GRIN3A: variants seen among roughly 807,000 people sequenced by gnomAD.
GRIN3A encodes the protein glutamate ionotropic receptor NMDA type subunit 3A, also known as glutamate receptor ionotropic, NMDA 3A.
In GRIN3A, 47 loss-of-function variants were observed where a neutral mutation model predicts 92.4. That is an observed-to-expected ratio of 0.51 (90% confidence interval 0.40 to 0.65). The LOEUF is 0.65. GRIN3A is among the 30% of genes least tolerant of loss of function. The probability of loss-of-function intolerance (pLI) is 0.00; values close to 1 mark genes in which losing one functional copy is unlikely to be tolerated. For synonymous variants in GRIN3A, 527 were observed against 540.6 expected (o/e 0.97, Z 0.35); for missense variants, 1,324 against 1,393.1 (o/e 0.95, Z 0.79).
intron 3 of GRIN3A, among the ~76,000 whole-genome samples, chr9:101,657,836 G>GT (rs1829110155): frequency 6.6e-6 from 1 of 151,968 alleles, no homozygotes; most frequent in Admixed American, 6.6e-5. Context: ...AAAGGGAGTA[G>GT]TGATGGTAAT....
intron 3 of GRIN3A, among the ~76,000 whole-genome samples, chr9:101,643,141 T>G (rs1487721720): frequency 6.6e-6 from 1 of 152,082 alleles, no homozygotes; most frequent in Non-Finnish European, 1.5e-5. Flanking sequence ...CACTGATATA[T>G]GTGATAGGGG....
At chr9:101,710,406 C>A (rs1464138228) in intron 1 of GRIN3A, among the ~76,000 whole-genome samples, 1 of 152,154 alleles carries the variant, frequency 6.6e-6, no homozygotes, top group Non-Finnish European at 1.5e-5. Context: ...TACTGGTAAT[C>A]TTTTGCAGAC....
chr9:101,664,642 T>C (rs996667121), intron 3 of GRIN3A, among the ~76,000 whole-genome samples: 1 of 151,946 alleles, frequency 6.6e-6, no homozygotes, highest in African/African-American at 2.4e-5. Context: ...TTCAACCTCC[T>C]GTGGCTGCTG....
chr9:101,719,623 T>C (rs1398093288), intron 1 of GRIN3A, among the ~76,000 whole-genome samples: 1 of 152,142 alleles, frequency 6.6e-6, no homozygotes, highest in Non-Finnish European at 1.5e-5. Context: ...ATGGTTCCCC[T>C]GGCTTGAGCT....
chr9:101,695,148 T>A (rs1829669419), intron 1 of GRIN3A, among the ~76,000 whole-genome samples: 1 of 152,158 alleles, frequency 6.6e-6, no homozygotes, highest in Admixed American at 6.5e-5. Context: ...AAAGTGTTAG[T>A]TTATAATGAT....
At chr9:101,648,643 G>A (rs1018729336) in intron 3 of GRIN3A, among the ~76,000 whole-genome samples, 1 of 152,012 alleles carries the variant, frequency 6.6e-6, no homozygotes, top group Admixed American at 6.6e-5. Flanking sequence ...GTACTCCAGT[G>A]TTGAATACAT....
At chr9:101,730,988 A>C (rs1830131167) in intron 1 of GRIN3A, among the ~76,000 whole-genome samples, 1 of 152,128 alleles carries the variant, frequency 6.6e-6, no homozygotes, top group Non-Finnish European at 1.5e-5. Context: ...TTACAGGAAC[A>C]AGGTCACACT....
chr9:101,701,506 CA>C (rs1829752550), intron 1 of GRIN3A, among the ~76,000 whole-genome samples: 1 of 152,044 alleles, frequency 6.6e-6, no homozygotes, highest in African/African-American at 2.4e-5. Context: ...TACCTTTCAC[CA>C]TATACAAAAA....
intron 3 of GRIN3A, among the ~76,000 whole-genome samples, chr9:101,633,786 C>T (rs931185406): frequency 6.7e-6 from 1 of 148,208 alleles, no homozygotes; most frequent in Non-Finnish European, 1.5e-5. Flanking sequence ...AAATCGGTCC[C>T]TGGTGCCAAA....
chr9:101,699,861 C>T (rs766751960), intron 1 of GRIN3A, among the ~76,000 whole-genome samples: 1 of 152,190 alleles, frequency 6.6e-6, no homozygotes, highest in Non-Finnish European at 1.5e-5. Context: ...CCAAATGCTC[C>T]AAGTTCTCTT....
At position 101,634,736 on chromosome 9, in the gene GRIN3A, C is replaced by T. The variant is rs1411801600; in HGVS notation, c.2353-6335G>A. On this transcript the variant is annotated intron_variant, in intron 3 of 8. Coordinates refer to ENST00000361820, the MANE Select transcript of GRIN3A (RefSeq NM_133445.3). ...ATATACCTATCCAACTAATAAATAC[C>T]AATTAATATATACCTATTTGTGCTG... Among the ~76,000 whole-genome samples the T allele has an allele frequency of 2.6e-5, 4 of 152,026 alleles. No individual in the cohort carries two copies. The East Asian group carries it at 7.7e-4, about 29-fold the overall frequency.
chr9:101,735,885 A>G lies in GRIN3A; in HGVS notation c.699+1396T>C, dbSNP rs533248340. Among the ~76,000 whole-genome samples the G allele has an allele frequency of 6.4e-4, 94 of 147,828 alleles. 3 individuals carry two copies. The highest frequency in any genetic ancestry group is 1.1e-3 in the Admixed American group (16 of 15,066). On this transcript the variant is annotated intron_variant, in intron 1 of 8. Transcript: ENST00000361820. ...AAGTTAATTAGCCTGCACTCTACAGATCAAATCTCTGTAGTTCGGCTAGGA... is the reference window on the plus strand; with the variant it reads ...AAGTTAATTAGCCTGCACTCTACAGGTCAAATCTCTGTAGTTCGGCTAGGA...
rs1253727161 is a variant in GRIN3A at position 101,683,844 on chromosome 9, CAGTGAGAG to C, written c.1304+2744_1304+2751del. ...CACCATAAGGAGAGAGAGAGAGAGA[CAGTGAGAG>C]AGAGAGAGAGAGAGAGAGAGAGAGA... On this transcript the variant is annotated intron_variant, in intron 2 of 8. Coordinates refer to ENST00000361820, the MANE Select transcript of GRIN3A (RefSeq NM_133445.3). 1.6e-3 allele frequency among the ~76,000 whole-genome samples: 124 copies of C among 79,138 alleles called. 1 individual carries two copies. Among genetic ancestry groups the C allele is most frequent in the East Asian group, 9.0e-3 (28 of 3,120 alleles). 51.9% of individuals were successfully genotyped at this position (79,138 alleles called of 152,430 possible).
intron 3 of GRIN3A, among the ~76,000 whole-genome samples, chr9:101,641,745 C>T (rs1828866832): frequency 6.7e-6 from 1 of 150,088 alleles, no homozygotes; most frequent in South Asian, 2.1e-4. Flanking sequence ...CAAACCTGCA[C>T]ATTGTGCACA....
chr9:101,617,219 A>AAG (rs1554717854), intron 5 of GRIN3A, among the ~76,000 whole-genome samples: 1 of 151,218 alleles, frequency 6.6e-6, no homozygotes, highest in Non-Finnish European at 1.5e-5. Flanking sequence ...AAAAAAAAAA[A>AAG]AAAAAAAGAA....
chr9:101,669,752 T>C (rs1367994533), intron 3 of GRIN3A, among the ~76,000 whole-genome samples: 1 of 133,420 alleles, frequency 7.5e-6, no homozygotes, highest in African/African-American at 2.5e-5. Context: ...GACCATTCCC[T>C]GATAGGTGTG....
chr9:101,708,301 G>C (rs1336600799), intron 1 of GRIN3A, among the ~76,000 whole-genome samples: 1 of 152,108 alleles, frequency 6.6e-6, no homozygotes. Context: ...TTTATGCAGA[G>C]CAATGTGTTG....
At chr9:101,724,631 G>A (rs1030752099) in intron 1 of GRIN3A, among the ~76,000 whole-genome samples, 4 of 152,228 alleles carry the variant, frequency 2.6e-5, no homozygotes, top group Admixed American at 1.3e-4. Flanking sequence ...CGCCCAGAGC[G>A]AGCGAGCGAG....
rs148040177 is a variant in GRIN3A at position 101,640,780 on chromosome 9, C to T, written c.2353-12379G>A. 5.1e-3 allele frequency among the ~76,000 whole-genome samples: 775 copies of T among 152,264 alleles called. 6 individuals carry two copies. Among genetic ancestry groups the T allele is most frequent in the African/African-American group, 0.016 (660 of 41,562 alleles). On this transcript the variant is annotated intron_variant, in intron 3 of 8. Transcript: ENST00000361820. ...AAAGAGGAGGTTCCCTGCACAGGCTCTCCTTCTCTGCCTGCTGCGATCCAC... is the reference window on the plus strand; with the variant it reads ...AAAGAGGAGGTTCCCTGCACAGGCTTTCCTTCTCTGCCTGCTGCGATCCAC...
Sources: gnomAD v4.1 joint callset for allele counts (sites outside exome capture counted in the v4.1 genomes callset) on GRCh38, gnomAD v4.1.1 for gene constraint, MANE v1.5 for transcripts, NCBI Gene and HGNC (gene_info 2026-07-23, HGNC 2026-07-21) for gene names.